SEPSECS: variants seen among roughly 807,000 people sequenced by gnomAD.
The protein encoded by SEPSECS is O-phosphoseryl-tRNA(Sec) selenium transferase.
SEPSECS carries 42 observed loss-of-function variants against 52.1 expected under a neutral mutation model. The ratio of observed to expected loss-of-function variants is 0.81; its 90% CI spans 0.63 to 1.04. The LOEUF (loss-of-function observed/expected upper bound fraction) is 1.04, where lower values mean the gene tolerates loss of function less well. Among genes scored for constraint, SEPSECS ranks in the 50% least tolerant of loss-of-function variants. The pLI, the probability that SEPSECS is intolerant of heterozygous loss-of-function variation, is 0.00. For missense variants in SEPSECS, 590 were observed against 610.6 expected, an observed-to-expected ratio of 0.97 and a Z score of 0.36; for synonymous variants, 216 against 211.4, an observed-to-expected ratio of 1.02 and a Z score of -0.19.
chr4:25,121,824 A>T lies in SEPSECS; in HGVS notation c.*2107T>A, dbSNP rs1485477252. ...TAATTTATGTTCAATTAGAATTATT[A>T]TCTATTCAGCAGCTGAAGCCCAAGA... On this transcript the variant is annotated 3_prime_UTR_variant, in exon 11 of 11. Transcript: ENST00000382103. The T allele has an allele frequency of 6.6e-6, 1 of 152,190 alleles. No individual in the cohort carries two copies. The highest frequency in any genetic ancestry group is 1.5e-5 in the Non-Finnish European group (1 of 68,000). 9.4% of individuals were successfully genotyped at this position (152,190 alleles called of 1,614,324 possible).
intron 8 of SEPSECS, among the ~76,000 whole-genome samples, chr4:25,136,253 G>A (rs1264660048): frequency 2.0e-5 from 3 of 152,156 alleles, no homozygotes; most frequent in Non-Finnish European, 2.9e-5. Context: ...GGGAAGAGAG[G>A]AAGTCAAACT....
intron 8 of SEPSECS, among the ~76,000 whole-genome samples, chr4:25,128,238 G>A (rs767084426): frequency 1.6e-4 from 24 of 151,944 alleles, no homozygotes; most frequent in African/African-American, 3.9e-4. Context: ...CTTCACCACC[G>A]TTGCCCCAAC....
At chr4:25,141,385 T>C (rs1465822010) in intron 8 of SEPSECS, among the ~76,000 whole-genome samples, 1 of 152,168 alleles carries the variant, frequency 6.6e-6, no homozygotes, top group African/African-American at 2.4e-5. Context: ...CCTAAACTTG[T>C]ATATCCTACT....
chr4:25,155,205 A>T (rs1712549908), intron 4 of SEPSECS, 54 bp from the exon 5 acceptor site: 2 of 1,579,180 alleles, frequency 1.3e-6, no homozygotes, highest in Admixed American at 3.3e-5. Context: ...ATAAGGGAAG[A>T]TCCTGAAACT....
chr4:25,156,520 C>T (rs372246710), intron 3 of SEPSECS, among the ~76,000 whole-genome samples: 3 of 151,338 alleles, frequency 2.0e-5, no homozygotes, highest in East Asian at 1.9e-4. Context: ...CTGGCTAACA[C>T]GGTGAGACCC....
rs1712870851 is a variant in SEPSECS, at chr4:25,159,006, C to T, written c.216G>A (p.Val72=). ...ATGCCACTCTCCCTTCCCTTTCTCC[C>T]ACACCACAATTGCCTAAGAAATTGT... ...DSNNFLGNCG[V]GEREGRVASA... is the part of the protein sequence containing the mutation. Residue 72 remains valine (V), a synonymous_variant, in exon 2 of 11, where the codon GTG becomes GTA. Coordinates refer to ENST00000382103, the MANE Select transcript of SEPSECS (RefSeq NM_016955.4). The T allele has an allele frequency of 4.3e-6, 7 of 1,613,718 alleles. No individual in the cohort carries two copies. The highest frequency in any genetic ancestry group is 1.3e-5 in the African/African-American group (1 of 74,850).
chr4:25,160,058 ATT>A, intron 1 of SEPSECS, 196 bp downstream of exon 1: 2 of 985,346 alleles, frequency 2.0e-6, no homozygotes, highest in Non-Finnish European at 2.4e-6. Context: ...TAACAACACC[ATT>A]TGGCTTTCAC....
intron 5 of SEPSECS, among the ~76,000 whole-genome samples, chr4:25,154,452 T>A (rs1193150098): frequency 6.6e-6 from 1 of 152,178 alleles, no homozygotes; most frequent in African/African-American, 2.4e-5. Flanking sequence ...GTGGCTATCC[T>A]TTAGAAGAGT....
chr4:25,125,693 C>A lies in SEPSECS; in HGVS notation c.1211+1G>T, dbSNP rs781642082. On this transcript the variant is annotated splice_donor_variant, in intron 10 of 10. Coordinates refer to ENST00000382103, the MANE Select transcript of SEPSECS (RefSeq NM_016955.4). LOFTEE classifies it high-confidence loss of function. The stretch of plus-strand genomic sequence containing the variant: ...CCCATATCTATCTTAAACATACTTA[C>A]CTGGCTCCAGAAACCTGTCTGGTAA... The A allele has an allele frequency of 2.5e-6, 4 of 1,604,362 alleles. No homozygotes were observed. The highest frequency in any genetic ancestry group is 1.1e-5 in the South Asian group (1 of 90,586).
intron 8 of SEPSECS, among the ~76,000 whole-genome samples, chr4:25,135,785 G>A (rs1007675933): frequency 7.2e-5 from 11 of 151,956 alleles, no homozygotes; most frequent in East Asian, 5.8e-4. Flanking sequence ...GAATATCGAC[G>A]CAAAAATCCT....
At chr4:25,152,140 A>T in intron 5 of SEPSECS, 78 bp from the exon 6 acceptor site, 1 of 874,142 alleles carries the variant, frequency 1.1e-6, no homozygotes, top group Non-Finnish European at 1.9e-6. Context: ...TTTTTTAAAA[A>T]TTTAATAGTT....
chr4:25,141,745 G>A (rs1177876289), intron 8 of SEPSECS, among the ~76,000 whole-genome samples: 2 of 152,094 alleles, frequency 1.3e-5, no homozygotes, highest in Non-Finnish European at 2.9e-5. Context: ...AGAATATGAG[G>A]CACGGACCTT....
Position 25,151,998 on chromosome 4 carries a change from C to A in SEPSECS, c.766G>T (p.Gly256Ter), listed in dbSNP as rs779387647. The change falls in exon 6 of 11, where the codon GGA becomes TGA. Residue 256 changes from glycine to a stop codon, truncating the protein, a stop_gained. Coordinates refer to ENST00000382103, the MANE Select transcript of SEPSECS (RefSeq NM_016955.4). LOFTEE classifies it high-confidence loss of function. ...TGCATACACTTTGAAGACTGCACTC[C>A]ATAAGCATTATTAACTATATGTGGA... ...DIPHIVNNAYGVQSSKCMHLI... is the reference protein window; with the variant it reads ...DIPHIVNNAY The A allele has an allele frequency of 7.5e-6, 12 of 1,602,104 alleles. No individual in the cohort carries two copies. The African/African-American group carries it at 8.0e-5, about 11-fold the overall frequency.
At chr4:25,158,806 T>G in intron 2 of SEPSECS, 147 bp downstream of exon 2, 1 of 751,372 alleles carries the variant, frequency 1.3e-6, no homozygotes, top group Non-Finnish European at 2.2e-6. Flanking sequence ...ATCTCCCTGT[T>G]GCATTTGGCT....
chr4:25,148,258 C>A (rs1186922224), intron 6 of SEPSECS, among the ~76,000 whole-genome samples: 3 of 147,822 alleles, frequency 2.0e-5, no homozygotes, highest in Non-Finnish European at 4.4e-5. Flanking sequence ...GAGGCTGAGG[C>A]AGGAGAATGG....
Position 25,124,232 on chromosome 4 carries a change from G to A in SEPSECS, c.1212-7C>T, listed in dbSNP as rs746643496. Reference sequence around the variant, plus strand: ...GGACCCAAGAGGCACAACCCTGAAAGAAGAAAGATTTACCAATTTAATATG... The same window carrying A: ...GGACCCAAGAGGCACAACCCTGAAAAAAGAAAGATTTACCAATTTAATATG... On this transcript the variant is annotated splice_region_variant and splice_polypyrimidine_tract_variant and intron_variant, in intron 10 of 10. Transcript: ENST00000382103. 30 of 1,612,244 alleles carry A rather than the reference G, an allele frequency of 1.9e-5. No individual in the cohort carries two copies. Among genetic ancestry groups the A allele is most frequent in the Admixed American group, 6.7e-5 (4 of 59,826 alleles).
At position 25,121,374 on chromosome 4, in the gene SEPSECS, C is replaced by A. The variant is rs180999105; in HGVS notation, c.*2557G>T. ...CCCAATGACTTTAAAAACCTAACTCCAATATTTTACCTGATAGTTTTAATA... is the reference window on the plus strand; with the variant it reads ...CCCAATGACTTTAAAAACCTAACTCAAATATTTTACCTGATAGTTTTAATA... On this transcript the variant is annotated 3_prime_UTR_variant, in exon 11 of 11. Transcript: ENST00000382103. 7.2e-5 allele frequency: 11 copies of A among 152,218 alleles called. No individual in the cohort carries two copies. The highest frequency in any genetic ancestry group is 5.9e-4 in the Admixed American group (9 of 15,268). 9.4% of individuals were successfully genotyped at this position (152,218 alleles called of 1,614,324 possible). A position where few individuals can be genotyped will look rare whatever the true frequency, so the allele number is the denominator to read the frequency against.
Position 25,124,146 on chromosome 4 carries a change from AAGGGTAATT to A in SEPSECS, c.1282_1290del (p.Asn428_Pro430del). The A allele has an allele frequency of 6.2e-7, 1 of 1,613,742 alleles. No homozygotes were observed. The highest frequency in any genetic ancestry group is 2.2e-5 in the East Asian group (1 of 44,862). The stretch of plus-strand genomic sequence containing the variant: ...GCTGATGCAGCATTGAGGTAAGCAC[AAGGGTAATT>A]ATTTGTATGTGACATAAAGCCTCTG... On this transcript the variant is annotated inframe_deletion, in exon 11 of 11. Coordinates refer to ENST00000382103, the MANE Select transcript of SEPSECS (RefSeq NM_016955.4).
chr4:25,125,447 C>T (rs1223983923), intron 10 of SEPSECS: 1 of 485,194 alleles, frequency 2.1e-6, no homozygotes, highest in South Asian at 3.0e-5. Context: ...GGTAATAAAA[C>T]TTTGGTTCTG....
Sources: allele counts gnomAD v4.1 joint callset (sites outside exome capture counted in the v4.1 genomes callset), GRCh38; gene constraint gnomAD v4.1.1; transcripts MANE v1.5; gene names NCBI Gene and HGNC (gene_info 2026-07-23, HGNC 2026-07-21).